The following TMEM150C variants were observed in gnomAD, a reference collection of about 807,000 sequenced individuals.
TMEM150C encodes tentonin 3.
A neutral mutation model predicts 29.9 loss-of-function variants in TMEM150C; 10 were observed. The observed-to-expected ratio is 0.33, with a 90% CI of 0.21 to 0.57. TMEM150C has a LOEUF of 0.57. Among genes scored for constraint, TMEM150C ranks in the 20% least tolerant of loss-of-function variants. The probability of loss-of-function intolerance (pLI) is 0.88; values close to 1 mark genes in which losing one functional copy is unlikely to be tolerated. For synonymous variants in TMEM150C, 101 were observed against 112.5 expected (o/e 0.90, Z 0.64); for missense variants, 251 against 303.6 (o/e 0.83, Z 1.29).
rs577728662 is a variant in TMEM150C at position 82,540,114 on chromosome 4, CTTTTTTTTTTTTTTTTTTTTT to C, written c.-11+21771_-11+21791del. Reference sequence around the variant, plus strand: ...TAGTCATTCAATGTTTCTACCTATTCTTTTTTTTTTTTTTTTTTTTTTTTTTTTTTTTTTTTTTTGAGACAA... The same window carrying C: ...TAGTCATTCAATGTTTCTACCTATTCTTTTTTTTTTTTTTTTTTGAGACAA... On this transcript the variant is annotated intron_variant, in intron 1 of 7. Transcript: ENST00000449862. Among the ~76,000 whole-genome samples, 471 of 47,266 alleles carry C rather than the reference CTTTTTTTTTTTTTTTTTTTTT, an allele frequency of 1.0e-2. 6 individuals carry two copies. Among genetic ancestry groups the C allele is most frequent in the African/African-American group, 0.022 (400 of 17,846 alleles). The allele number at this position is 47,266 out of a possible 152,430, so 31.0% of individuals were successfully genotyped here.
rs188494164 is a variant in TMEM150C, at chr4:82,483,912, C to T, written c.*1599G>A. ...TCAAGTGATTCTCCTGCCTCCGCCT[C>T]CTGAGTAGCCGGGATTACAGGCATG... is the stretch of plus-strand genomic sequence containing the variant. On this transcript the variant is annotated 3_prime_UTR_variant, in exon 8 of 8. Coordinates refer to ENST00000449862, the MANE Select transcript of TMEM150C (RefSeq NM_001080506.3). The T allele has an allele frequency of 1.3e-4, 20 of 151,842 alleles. No homozygotes were observed. Among genetic ancestry groups the T allele is most frequent in the African/African-American group, 4.1e-4 (17 of 41,362 alleles). The allele number at this position is 151,842 out of a possible 1,614,324, so 9.4% of individuals were successfully genotyped here. A position where few individuals can be genotyped will look rare whatever the true frequency, so the allele number is the denominator to read the frequency against.
At chr4:82,530,330 G>T (rs1015135013) in intron 1 of TMEM150C, among the ~76,000 whole-genome samples, 5 of 152,086 alleles carry the variant, frequency 3.3e-5, no homozygotes, top group African/African-American at 1.2e-4. Flanking sequence ...GGCAGAGGCG[G>T]GTGGATCACG....
At chr4:82,559,478 C>T (rs1460430410) in intron 1 of TMEM150C, among the ~76,000 whole-genome samples, 3 of 152,144 alleles carry the variant, frequency 2.0e-5, no homozygotes, top group Admixed American at 1.3e-4. Flanking sequence ...TCGCTTGAAC[C>T]CAAGAGGCGG....
rs549464188 is a variant in TMEM150C at position 82,528,605 on chromosome 4, CT to C, written c.-10-23939del. 4.0e-3 allele frequency among the ~76,000 whole-genome samples: 557 copies of C among 139,514 alleles called. 3 individuals are homozygous for C. The highest frequency in any genetic ancestry group is 6.3e-3 in the South Asian group (28 of 4,416). 91.5% of individuals were successfully genotyped at this position (139,514 alleles called of 152,430 possible). ...TATTTCTAGTTACTTTTCCTCGTCC[CT>C]TTTTTTTTTTTTTTTAGATGGAGTC... On this transcript the variant is annotated intron_variant, in intron 1 of 7. Transcript: ENST00000449862.
intron 1 of TMEM150C, among the ~76,000 whole-genome samples, chr4:82,512,402 A>T (rs990770460): frequency 5.9e-5 from 9 of 152,236 alleles, no homozygotes; most frequent in African/African-American, 2.2e-4. Flanking sequence ...ATAAATTAAA[A>T]GTCATTATTG....
At chr4:82,487,007 A>G (rs1376773002) in intron 7 of TMEM150C, among the ~76,000 whole-genome samples, 1 of 152,098 alleles carries the variant, frequency 6.6e-6, no homozygotes. Context: ...AAATCGGGAA[A>G]TTTTCAGAGA....
chr4:82,485,458 T>C lies in TMEM150C; in HGVS notation c.*53A>G, dbSNP rs1372653267. The stretch of plus-strand genomic sequence containing the variant: ...GTCAAGTCCTGTGAGTGTGTCCTAC[T>C]GGCCCCTCCCCCACTGTCACACCCA... On this transcript the variant is annotated 3_prime_UTR_variant, in exon 8 of 8. Coordinates refer to ENST00000449862, the MANE Select transcript of TMEM150C (RefSeq NM_001080506.3). The C allele has an allele frequency of 7.2e-7, 1 of 1,381,862 alleles. No homozygotes were observed. The highest frequency in any genetic ancestry group is 2.5e-5 in the East Asian group (1 of 40,362). The allele number at this position is 1,381,862 out of a possible 1,614,324, so 85.6% of individuals were successfully genotyped here.
intron 1 of TMEM150C, among the ~76,000 whole-genome samples, chr4:82,519,431 T>C (rs561574339): frequency 6.6e-6 from 1 of 152,080 alleles, no homozygotes; most frequent in Admixed American, 6.5e-5. Flanking sequence ...TCTTTCTTTC[T>C]TTCTTTTTTT....
intron 1 of TMEM150C, among the ~76,000 whole-genome samples, chr4:82,523,547 G>C (rs1724556496): frequency 6.6e-6 from 1 of 152,168 alleles, no homozygotes; most frequent in African/African-American, 2.4e-5. Flanking sequence ...GTTTCTAATG[G>C]CCTGCATTTG....
At chr4:82,490,263 C>T (rs1266601374) in intron 6 of TMEM150C, 25 bp from the exon 7 acceptor site, 5 of 1,604,948 alleles carry the variant, frequency 3.1e-6, no homozygotes, top group East Asian at 2.2e-5. Flanking sequence ...GATAATGACA[C>T]ATGAAGGCCC....
intron 1 of TMEM150C, among the ~76,000 whole-genome samples, chr4:82,522,774 G>T (rs945505258): frequency 1.3e-5 from 2 of 152,092 alleles, no homozygotes; most frequent in East Asian, 1.9e-4. Flanking sequence ...GGAGCTGGGT[G>T]GGGGGCTGTG....
intron 1 of TMEM150C, among the ~76,000 whole-genome samples, chr4:82,555,977 T>A (rs888604816): frequency 5.9e-5 from 9 of 152,248 alleles, no homozygotes; most frequent in African/African-American, 2.2e-4. Context: ...TATACACTTA[T>A]GTAACAATAA....
intron 1 of TMEM150C, among the ~76,000 whole-genome samples, chr4:82,533,833 A>G (rs182005236): frequency 1.1e-3 from 170 of 152,350 alleles, no homozygotes; most frequent in Non-Finnish European, 2.2e-3. Context: ...CCGCACAATG[A>G]AAGAATGTAA....
At chr4:82,500,863 A>G (rs1723715556) in intron 5 of TMEM150C, among the ~76,000 whole-genome samples, 1 of 152,246 alleles carries the variant, frequency 6.6e-6, no homozygotes, top group African/African-American at 2.4e-5. Flanking sequence ...ACAGCTGGTG[A>G]CAGCTTTTTT....
At chr4:82,530,225 C>T (rs781492136) in intron 1 of TMEM150C, among the ~76,000 whole-genome samples, 24 of 151,792 alleles carry the variant, frequency 1.6e-4, no homozygotes, top group Non-Finnish European at 2.9e-4. Flanking sequence ...TTGGAGTAAT[C>T]CCTGAGGTGT....
chr4:82,523,033 T>C (rs1426741621), intron 1 of TMEM150C, among the ~76,000 whole-genome samples: 1 of 152,118 alleles, frequency 6.6e-6, no homozygotes, highest in Admixed American at 6.6e-5. Flanking sequence ...TTTAGTCACA[T>C]GAAGAATCTT....
intron 1 of TMEM150C, among the ~76,000 whole-genome samples, chr4:82,505,201 T>C (rs1440867956): frequency 2.0e-5 from 3 of 152,210 alleles, no homozygotes; most frequent in African/African-American, 7.2e-5. Flanking sequence ...TAAGAATTAA[T>C]AGAAATTTTA....
rs532080324 is a variant in TMEM150C at position 82,504,670 on chromosome 4, G to A, written c.-10-3C>T. On this transcript the variant is annotated splice_region_variant and splice_polypyrimidine_tract_variant and intron_variant, in intron 1 of 7. Coordinates refer to ENST00000449862, the MANE Select transcript of TMEM150C (RefSeq NM_001080506.3). ...TCTTCCCATCCATGCCTGTACCACT[G>A]AAATAAAATAAACACGTATTAATAA... is the stretch of plus-strand genomic sequence containing the variant. 5.0e-6 allele frequency: 8 copies of A among 1,607,478 alleles called. No homozygotes were observed. The highest frequency in any genetic ancestry group is 6.8e-6 in the Non-Finnish European group (8 of 1,174,652).
intron 6 of TMEM150C, 109 bp from the exon 7 acceptor site, chr4:82,490,347 T>C: frequency 3.1e-6 from 3 of 953,084 alleles, no homozygotes; most frequent in Non-Finnish European, 4.9e-6. Context: ...AATATCCCAA[T>C]AATGGGATGA....
Sources: gnomAD v4.1 joint callset for allele counts (sites outside exome capture counted in the v4.1 genomes callset) on GRCh38, gnomAD v4.1.1 for gene constraint, MANE v1.5 for transcripts, NCBI Gene and HGNC (gene_info 2026-07-23, HGNC 2026-07-21) for gene names.